Variants in TNRC18 observed in about 807,000 individuals in gnomAD.
TNRC18 encodes the protein trinucleotide repeat containing 18.
Under a neutral mutation model 226.7 loss-of-function variants are expected in TNRC18, and 69 were observed. The ratio of observed to expected loss-of-function variants is 0.30; its 90% CI spans 0.25 to 0.37. TNRC18 has a LOEUF of 0.37. Among genes scored for constraint, TNRC18 ranks in the 10% least tolerant of loss-of-function variants. TNRC18 has a pLI of 1.00. For missense variants in TNRC18, 4,754 were observed against 4,256.6 expected (o/e 1.12, Z -3.25); for synonymous variants, 2,449 against 1,927.6 (o/e 1.27, Z -7.09).
rs1411952267 is a variant in TNRC18, at chr7:5,312,704, A to C, written c.8187T>G (p.Pro2729=). The change falls in exon 27 of 30, where the codon CCT becomes CCG. Residue 2729 remains proline (P), a synonymous_variant. Coordinates refer to ENST00000430969, the MANE Select transcript of TNRC18 (RefSeq NM_001080495.3). The surrounding 1 kb of genome is among the most constrained non-coding windows in gnomAD (Gnocchi z 6.3). The part of the protein sequence containing the change: ...KKTPAPQPQA[P]PPQPTQPLQP... Reference sequence around the variant, plus strand: ...GCAGAGGCTGTGTGGGCTGCGGAGGAGGCGCCTGGGGCTGGGGCGCGGGCG... The same window carrying C: ...GCAGAGGCTGTGTGGGCTGCGGAGGCGGCGCCTGGGGCTGGGGCGCGGGCG... The C allele has an allele frequency of 3.1e-6, 5 of 1,587,648 alleles. No homozygotes were observed. The highest frequency in any genetic ancestry group is 1.8e-5 in the Admixed American group (1 of 56,722).
chr7:5,350,890 C>CA (rs1383138114), intron 17 of TNRC18, among the ~76,000 whole-genome samples: 2 of 152,296 alleles, frequency 1.3e-5, no homozygotes, highest in Non-Finnish European at 2.9e-5. Flanking sequence ...TATTGAATGA[C>CA]AGAGACCAGG....
chr7:5,332,990 C>G lies in TNRC18; in HGVS notation c.5779G>C (p.Ala1927Pro), dbSNP rs1243283217. Reference sequence around the variant, plus strand: ...CCCTTCTTGGGCCGCAGCAGCCCCGCAGGCGACCGCTTGCGCACCTTGACC... The same window carrying G: ...CCCTTCTTGGGCCGCAGCAGCCCCGGAGGCGACCGCTTGCGCACCTTGACC... The part of the protein sequence containing the change: ...SEVKVRKRSP[A>P]GLLRPKKGLG... Residue 1927 changes from alanine (A) to proline (P), a missense_variant, in exon 19 of 30, where the codon GCG (alanine) becomes CCG (proline). By Grantham distance (27) the Ala-to-Pro change is conservative. Transcript: ENST00000430969. 3 of 1,572,842 alleles carry G rather than the reference C, an allele frequency of 1.9e-6. No individual in the cohort carries two copies. Among genetic ancestry groups the G allele is most frequent in the Non-Finnish European group, 2.6e-6 (3 of 1,167,552 alleles).
In TNRC18 at chr7:5,325,118, T is replaced by C. The variant is rs1308090591; in HGVS notation, c.6278A>G (p.Lys2093Arg). The C allele has an allele frequency of 6.4e-7, 1 of 1,550,456 alleles. No individual in the cohort carries two copies. The highest frequency in any genetic ancestry group is 2.0e-5 in the Admixed American group (1 of 51,026). The change falls in exon 20 of 30, where the codon AAA (lysine) becomes AGA (arginine). Residue 2093 changes from lysine to arginine, a missense_variant. By Grantham distance (26) the Lys-to-Arg change is conservative (BLOSUM62 2). Transcript: ENST00000430969. Reference sequence around the variant, plus strand: ...CACCTCCTTCTTCACCTCCTTCCCTTTGGCCTTGGCTTTGCTCCTTTTGGC... The same window carrying C: ...CACCTCCTTCTTCACCTCCTTCCCTCTGGCCTTGGCTTTGCTCCTTTTGGC... ...TAAKRSKAKA[K>R]GKEVKKENRG...
intron 18 of TNRC18, among the ~76,000 whole-genome samples, chr7:5,337,335 G>A (rs941625440): frequency 6.6e-6 from 1 of 151,934 alleles, no homozygotes; most frequent in East Asian, 1.9e-4. Context: ...AGAACACTAA[G>A]AGGCCGGGCA....
In TNRC18 at chr7:5,356,841, G is replaced by A. The variant is rs1246404554; in HGVS notation, c.5194+75C>T. On this transcript the variant is annotated intron_variant, in intron 16 of 29. Transcript: ENST00000430969. ...GAGAGAGTGAGGGGCGGGGGGGGAA[G>A]GAGGACGGTGGAGAGAAGAGGGGAG... is the stretch of plus-strand genomic sequence containing the variant. 7.0e-6 allele frequency: 10 copies of A among 1,436,292 alleles called. No homozygotes were observed. The African/African-American group carries it at 1.0e-4, about 15-fold the overall frequency. The allele number at this position is 1,436,292 out of a possible 1,614,324, so 89.0% of individuals were successfully genotyped here.
intron 2 of TNRC18, among the ~76,000 whole-genome samples, chr7:5,408,885 G>A (rs1781658519): frequency 6.6e-6 from 1 of 152,208 alleles, no homozygotes; most frequent in African/African-American, 2.4e-5. Context: ...GTTTACTAGG[G>A]AAAGATGGAA....
intron 2 of TNRC18, among the ~76,000 whole-genome samples, chr7:5,417,566 A>T (rs1466597004): frequency 1.3e-5 from 2 of 152,260 alleles, no homozygotes; most frequent in African/African-American, 4.8e-5. Context: ...CAATGAGGGC[A>T]GAGACTTCTG....
rs551794902 is a variant in TNRC18 at position 5,420,234 on chromosome 7, G to A, written c.187+826C>T. ...CGTCTCGGGAAATGGTGGAGGCCGC[G>A]GGACCTTCTCGGCCACCTCCTCCAG... is the stretch of plus-strand genomic sequence containing the variant. On this transcript the variant is annotated intron_variant, in intron 2 of 29. Transcript: ENST00000430969. 4 of 363,360 alleles carry A rather than the reference G, an allele frequency of 1.1e-5. No individual in the cohort carries two copies. In the East Asian group the frequency reaches 2.5e-4, roughly 22 times the overall value. 22.5% of individuals were successfully genotyped at this position (363,360 alleles called of 1,614,324 possible).
At chr7:5,334,830 G>A (rs1002025966) in intron 18 of TNRC18, among the ~76,000 whole-genome samples, 1 of 152,160 alleles carries the variant, frequency 6.6e-6, no homozygotes, top group East Asian at 1.9e-4. Flanking sequence ...CACGTGGAAG[G>A]CAGAGAGTGA....
At chr7:5,376,556 A>G (rs983874404) in intron 8 of TNRC18, among the ~76,000 whole-genome samples, 12 of 152,138 alleles carry the variant, frequency 7.9e-5, no homozygotes, top group African/African-American at 2.9e-4. Flanking sequence ...CCAGTGGTCT[A>G]CAAGGTGGAT....
chr7:5,391,357 G>A (rs1780284742), intron 3 of TNRC18, among the ~76,000 whole-genome samples: 1 of 151,810 alleles, frequency 6.6e-6, no homozygotes, highest in Admixed American at 6.6e-5. Context: ...TGTGGCCCAG[G>A]CTGGAGTGCA....
At chr7:5,337,490 A>AAT (rs11431476) in intron 18 of TNRC18, among the ~76,000 whole-genome samples, 18 of 151,008 alleles carry the variant, frequency 1.2e-4, no homozygotes, top group African/African-American at 4.1e-4. Flanking sequence ...TCAAAAAAAA[A>AAT]AAAGGAACAC....
chr7:5,329,188 A>G (rs1789250875), intron 19 of TNRC18, among the ~76,000 whole-genome samples: 2 of 152,020 alleles, frequency 1.3e-5, no homozygotes, highest in African/African-American at 2.4e-5. Flanking sequence ...CTGTGATCCC[A>G]GCTACTCGGG....
rs868830988 is a variant in TNRC18 at position 5,362,702 on chromosome 7, C to A, written c.4343G>T (p.Arg1448Leu). Residue 1448 changes from arginine (R) to leucine (L), a missense_variant, in exon 12 of 30, where the codon CGG becomes CTG. Physicochemically the swap from Arg to Leu is moderately radical, Grantham distance 102 (BLOSUM62 -2). Transcript: ENST00000430969. ...GTACTTCTTGTTGGGCTTCAGCTCC[C>A]GCGGGAGCCGCAGGTTCTTGAGTGG... ...VDPLKNLRLP[R>L]ELKPNKKYSW... 1.3e-6 allele frequency: 2 copies of A among 1,583,056 alleles called. No individual in the cohort carries two copies. Among genetic ancestry groups the A allele is most frequent in the East Asian group, 2.3e-5 (1 of 43,256 alleles).
intron 3 of TNRC18, among the ~76,000 whole-genome samples, chr7:5,390,922 T>G (rs1780250690): frequency 6.6e-6 from 1 of 151,996 alleles, no homozygotes; most frequent in African/African-American, 2.4e-5. Flanking sequence ...GACCAAGAGC[T>G]TTGCCACTGT....
At chr7:5,396,217 A>G (rs1427781194) in intron 2 of TNRC18, among the ~76,000 whole-genome samples, 356 of 106,674 alleles carry the variant, frequency 3.3e-3, no homozygotes, top group Middle Eastern at 0.021. Flanking sequence ...GCGTGGTGGC[A>G]GGCACCTGTA....
rs923145795 is a variant in TNRC18, at chr7:5,307,264, T to G, written c.*842A>C. ...CAGTTTTAAAAAGTTTATATATATA[T>G]TTATATATATTTATCTTTATATATA... is the stretch of plus-strand genomic sequence containing the variant. On this transcript the variant is annotated 3_prime_UTR_variant, in exon 30 of 30. Coordinates refer to ENST00000430969, the MANE Select transcript of TNRC18 (RefSeq NM_001080495.3). The G allele has an allele frequency of 6.7e-6, 1 of 148,934 alleles. No individual in the cohort carries two copies. Among genetic ancestry groups the G allele is most frequent in the Non-Finnish European group, 1.5e-5 (1 of 67,348 alleles). 9.2% of individuals were successfully genotyped at this position (148,934 alleles called of 1,614,324 possible). A position where few individuals can be genotyped will look rare whatever the true frequency, so the allele number is the denominator to read the frequency against.
At chr7:5,368,436 G>A (rs1450176487) in intron 11 of TNRC18, among the ~76,000 whole-genome samples, 1 of 152,152 alleles carries the variant, frequency 6.6e-6, no homozygotes, top group Non-Finnish European at 1.5e-5. Flanking sequence ...GCCAAGGCGG[G>A]TGGATCACTT....
intron 9 of TNRC18, 48 bp downstream of exon 9, chr7:5,375,986 C>T (rs995798276): frequency 6.5e-7 from 1 of 1,534,754 alleles, no homozygotes; most frequent in South Asian, 1.2e-5. Flanking sequence ...TGCCTCGTCA[C>T]CCATGGGGGC....
Sources: gnomAD v4.1 joint callset for allele counts (sites outside exome capture counted in the v4.1 genomes callset) on GRCh38, gnomAD v4.1.1 for gene constraint, Gnocchi (gnomAD v3.1) non-coding constraint, MANE v1.5 for transcripts, NCBI Gene and HGNC (gene_info 2026-07-23, HGNC 2026-07-21) for gene names.